The following IL1RAPL1 variants were observed in gnomAD, a reference collection of about 807,000 sequenced individuals.
IL1RAPL1 encodes the protein interleukin 1 receptor accessory protein like 1, also known as interleukin-1 receptor accessory protein-like 1.
Under a neutral mutation model 48.4 loss-of-function variants are expected in IL1RAPL1, and 3 were observed. That is an observed-to-expected ratio of 0.06 (90% CI 0.03 to 0.16). The LOEUF is 0.16. Ranked by LOEUF, IL1RAPL1 falls within the 10% of genes least tolerant of loss-of-function variation. The probability of loss-of-function intolerance (pLI) is 1.00; values close to 1 mark genes in which losing one functional copy is unlikely to be tolerated. For missense variants in IL1RAPL1, 349 were observed against 530.6 expected (o/e 0.66, Z 3.36); for synonymous variants, 185 against 187.7 (o/e 0.99, Z 0.12).
intron 2 of IL1RAPL1, among the ~76,000 whole-genome samples, chrX:29,204,684 A>G (rs1930628472): frequency 8.9e-6 from 1 of 112,258 alleles, no homozygotes; most frequent in South Asian, 3.6e-4. Context: ...GTAAAATAAA[A>G]TTAGACGGAT....
intron 6 of IL1RAPL1, among the ~76,000 whole-genome samples, chrX:29,744,744 A>G (rs924347188): frequency 1.8e-5 from 2 of 112,211 alleles, no homozygotes; most frequent in Admixed American, 1.9e-4. Flanking sequence ...ATATTCAGTG[A>G]TTAAAAATGA....
At chrX:29,604,652 T>A (rs1191041212) in intron 5 of IL1RAPL1, among the ~76,000 whole-genome samples, 1 of 111,399 alleles carries the variant, frequency 9.0e-6, no homozygotes, top group Admixed American at 9.6e-5. Flanking sequence ...GTTAGTGGCA[T>A]ATTAGTAAGA....
intron 2 of IL1RAPL1, among the ~76,000 whole-genome samples, chrX:28,792,057 G>T (rs922182197): frequency 8.9e-6 from 1 of 111,735 alleles, no homozygotes; most frequent in East Asian, 2.8e-4. Context: ...TTGATTTTAC[G>T]TATTAACCAA....
At chrX:28,759,153 G>C (rs1167773625) in intron 1 of IL1RAPL1, among the ~76,000 whole-genome samples, 2 of 110,706 alleles carry the variant, frequency 1.8e-5, no homozygotes, top group East Asian at 5.7e-4. Flanking sequence ...CAGGAGAATC[G>C]CTTGATCCCG....
At chrX:28,906,316 C>T (rs753304163) in intron 2 of IL1RAPL1, among the ~76,000 whole-genome samples, 2 of 112,084 alleles carry the variant, frequency 1.8e-5, no homozygotes, top group African/African-American at 3.2e-5. Context: ...AGGGAAGAAA[C>T]CACGCAGTTG....
chrX:29,811,398 A>G (rs1424533004), intron 6 of IL1RAPL1, among the ~76,000 whole-genome samples: 1 of 109,966 alleles, frequency 9.1e-6, no homozygotes, highest in African/African-American at 3.3e-5. Flanking sequence ...AGCACAGGAG[A>G]AGGATGTGGG....
At chrX:29,892,640 G>A (rs1238506314) in intron 6 of IL1RAPL1, among the ~76,000 whole-genome samples, 2 of 112,340 alleles carry the variant, frequency 1.8e-5, no homozygotes, top group Non-Finnish European at 3.8e-5. Context: ...TGCATGGACT[G>A]GATCAAGTCT....
At chrX:29,925,525 G>A (rs1335788581) in intron 8 of IL1RAPL1, among the ~76,000 whole-genome samples, 1 of 93,979 alleles carries the variant, frequency 1.1e-5, no homozygotes. Flanking sequence ...TTGTACCTCT[G>A]CACTTCTTTT....
At chrX:28,756,325 C>T (rs1356369566) in intron 1 of IL1RAPL1, among the ~76,000 whole-genome samples, 2 of 111,444 alleles carry the variant, frequency 1.8e-5, no homozygotes, top group Non-Finnish European at 3.8e-5. Flanking sequence ...TTTTATTTTA[C>T]TAGTGGCTCT....
At chrX:29,342,574 G>A (rs764075836) in intron 3 of IL1RAPL1, among the ~76,000 whole-genome samples, 2 of 112,045 alleles carry the variant, frequency 1.8e-5, no homozygotes, top group Non-Finnish European at 3.8e-5. Flanking sequence ...GGTCATTAGT[G>A]ATGCGTTTGG....
chrX:29,853,492 A>C (rs1931416757), intron 6 of IL1RAPL1, among the ~76,000 whole-genome samples: 1 of 111,275 alleles, frequency 9.0e-6, no homozygotes, highest in African/African-American at 3.3e-5. Context: ...AACAAAACAA[A>C]AAACAAAAGC....
rs941755573 is a variant in IL1RAPL1, at chrX:29,597,254, A to G, written c.704-71176A>G. Among the ~76,000 whole-genome samples, 5 of 106,649 alleles carry G rather than the reference A, an allele frequency of 4.7e-5. No individual in the cohort carries two copies. The Admixed American group carries it at 5.1e-4, about 11-fold the overall frequency. 92.6% of individuals were successfully genotyped at this position (106,649 alleles called of 115,157 possible). A position where few individuals can be genotyped will look rare whatever the true frequency, so the allele number is the denominator to read the frequency against. ...CTGCAACCTCTGCCTCCCAGGTTCA[A>G]TCGATTCTCCTGCCTCAGCCTCCCG... On this transcript the variant is annotated intron_variant, in intron 5 of 10. Transcript: ENST00000378993.
intron 6 of IL1RAPL1, among the ~76,000 whole-genome samples, chrX:29,814,586 G>C (rs1257697565): frequency 9.0e-6 from 1 of 111,645 alleles, no homozygotes; most frequent in Non-Finnish European, 1.9e-5. Flanking sequence ...AGTTTGATTA[G>C]ATCCCACTTG....
In IL1RAPL1 at chrX:28,783,354, A is replaced by G. The variant is rs73535930; in HGVS notation, c.-24-5966A>G. ...AATCTGCCAAGAAGCGTATGACTTCAGATTTTTATTGATAACTTTGGTTTT... is the reference window on the plus strand; with the variant it reads ...AATCTGCCAAGAAGCGTATGACTTCGGATTTTTATTGATAACTTTGGTTTT... On this transcript the variant is annotated intron_variant, in intron 1 of 10. Transcript: ENST00000378993. 5.7e-3 allele frequency among the ~76,000 whole-genome samples: 644 copies of G among 112,152 alleles called. 5 individuals carry two copies. Among genetic ancestry groups the G allele is most frequent in the African/African-American group, 0.019 (588 of 30,903 alleles).
intron 2 of IL1RAPL1, among the ~76,000 whole-genome samples, chrX:29,065,477 T>C (rs375238247): frequency 8.9e-6 from 1 of 112,160 alleles, no homozygotes; most frequent in South Asian, 3.7e-4. Flanking sequence ...TATTTGGCTC[T>C]TAGCATTTTT....
At chrX:29,803,802 T>C (rs1386076400) in intron 6 of IL1RAPL1, among the ~76,000 whole-genome samples, 1 of 109,967 alleles carries the variant, frequency 9.1e-6, no homozygotes, top group Non-Finnish European at 1.9e-5. Flanking sequence ...TGTGTTTATG[T>C]TTACAATGAA....
chrX:29,349,805 G>A (rs886521706), intron 3 of IL1RAPL1, among the ~76,000 whole-genome samples: 2 of 109,929 alleles, frequency 1.8e-5, no homozygotes, highest in African/African-American at 6.6e-5. Context: ...GTAACGCAGG[G>A]AGTGTAAATG....
chrX:29,251,334 C>G (rs1365821317), intron 2 of IL1RAPL1, among the ~76,000 whole-genome samples: 1 of 110,226 alleles, frequency 9.1e-6, no homozygotes, highest in Non-Finnish European at 1.9e-5. Context: ...TAGAGTAAAG[C>G]AAAACAAACC....
rs181420018 is a variant in IL1RAPL1 at position 29,340,816 on chromosome X, G to A, written c.363-55442G>A. On this transcript the variant is annotated intron_variant, in intron 3 of 10. Transcript: ENST00000378993. ...AAAAGGTGAAGGAGCTGGAGTCTCC[G>A]AGGACACCATGTAGCTGCCATACCA... Among the ~76,000 whole-genome samples the A allele has an allele frequency of 4.7e-3, 523 of 111,987 alleles. 2 individuals are homozygous for A. The highest frequency in any genetic ancestry group is 0.016 in the African/African-American group (504 of 30,819).
Sources: gnomAD v4.1 joint callset for allele counts (sites outside exome capture counted in the v4.1 genomes callset) on GRCh38, gnomAD v4.1.1 for gene constraint, MANE v1.5 for transcripts, NCBI Gene and HGNC (gene_info 2026-07-23, HGNC 2026-07-21) for gene names.